The following DCC variants were observed in gnomAD, a reference collection of about 807,000 sequenced individuals.
The protein encoded by DCC is netrin receptor DCC.
A neutral mutation model predicts 172.5 loss-of-function variants in DCC; 58 were observed. The observed-to-expected ratio is 0.34, with a 90% CI of 0.27 to 0.42. The LOEUF (loss-of-function observed/expected upper bound fraction) is 0.42. Ranked by LOEUF, DCC falls within the 10% of genes least tolerant of loss-of-function variation. The probability of loss-of-function intolerance (pLI) is 1.00; values close to 1 mark genes in which losing one functional copy is unlikely to be tolerated. For missense variants in DCC, 1,740 were observed against 1,791.0 expected, an observed-to-expected ratio of 0.97 and a Z score of 0.51; for synonymous variants, 709 against 644.5, an observed-to-expected ratio of 1.10 and a Z score of -1.52.
At chr18:53,102,205 T>C (rs1344642656) in intron 7 of DCC, among the ~76,000 whole-genome samples, 1 of 152,106 alleles carries the variant, frequency 6.6e-6, no homozygotes, top group African/African-American at 2.4e-5. Flanking sequence ...AAAAATGTAA[T>C]CGCTATAATT....
intron 5 of DCC, among the ~76,000 whole-genome samples, chr18:53,039,439 T>C (rs971419784): frequency 5.3e-5 from 8 of 152,078 alleles, no homozygotes; most frequent in African/African-American, 1.9e-4. Context: ...TAAGGAATAT[T>C]TGCCAGAGGA....
chr18:53,062,748 A>G (rs2042513633), intron 5 of DCC, among the ~76,000 whole-genome samples: 1 of 152,166 alleles, frequency 6.6e-6, no homozygotes. Flanking sequence ...AATACACTAC[A>G]GTAGATAATT....
At chr18:53,024,786 A>G (rs776319138) in intron 5 of DCC, among the ~76,000 whole-genome samples, 6 of 152,112 alleles carry the variant, frequency 3.9e-5, no homozygotes, top group Non-Finnish European at 8.8e-5. Context: ...GAGCAATGGG[A>G]AAAGGGATTG....
At chr18:52,371,477 G>T (rs1985119594) in intron 1 of DCC, among the ~76,000 whole-genome samples, 1 of 152,224 alleles carries the variant, frequency 6.6e-6, no homozygotes, top group African/African-American at 2.4e-5. Flanking sequence ...TTTTTAGAGA[G>T]AACGTTAGTG....
At position 53,090,732 on chromosome 18, in the gene DCC, A is replaced by AAAAAAAAAAAAAAAAAAAT. The variant is rs1568298492; in HGVS notation, c.1261+24568_1261+24569insAAAAAAAAAAAAAAAATAA. 2.0e-4 allele frequency among the ~76,000 whole-genome samples: 26 copies of AAAAAAAAAAAAAAAAAAAT among 129,152 alleles called. 1 individual carries two copies. The highest frequency in any genetic ancestry group is 3.5e-4 in the Non-Finnish European group (21 of 59,910). 84.7% of individuals were successfully genotyped at this position (129,152 alleles called of 152,430 possible). ...AAAAAAAAAAAAAAAAAAAAAAAAA[A>AAAAAAAAAAAAAAAAAAAT]AAGAATGTATCGTGTTTCTTGATGC... On this transcript the variant is annotated intron_variant, in intron 7 of 28. Transcript: ENST00000442544.
At chr18:53,377,701 T>C (rs1177906687) in intron 15 of DCC, among the ~76,000 whole-genome samples, 1 of 152,180 alleles carries the variant, frequency 6.6e-6, no homozygotes, top group African/African-American at 2.4e-5. Flanking sequence ...AAGTAAGGGA[T>C]GGGAGGTAGT....
chr18:53,063,312 A>G lies in DCC; in HGVS notation c.993A>G (p.Pro331=), dbSNP rs2042522167. Residue 331 remains proline, a synonymous_variant, in exon 6 of 29, where the codon CCA becomes CCG. Transcript: ENST00000442544. ...ASAELTVLVP[P]WFLNHPSNLY... ...TTTTTTCTGTCTTTGCAGTTCCGCC[A>G]TGGTTTTTAAATCATCCTTCCAACC... 1 of 1,613,036 alleles carries G rather than the reference A, an allele frequency of 6.2e-7. No individual in the cohort carries two copies. Among genetic ancestry groups the G allele is most frequent in the African/African-American group, 1.3e-5 (1 of 74,862 alleles).
chr18:52,614,120 C>T (rs929432280), intron 1 of DCC, among the ~76,000 whole-genome samples: 1 of 152,146 alleles, frequency 6.6e-6, no homozygotes, highest in African/African-American at 2.4e-5. Flanking sequence ...GTTCTAGTAA[C>T]ACTTGCTTCT....
chr18:53,448,047 G>GTTTTTTTTT (rs35238619), intron 22 of DCC, among the ~76,000 whole-genome samples: 9 of 113,728 alleles, frequency 7.9e-5, no homozygotes, highest in Non-Finnish European at 1.0e-4. Context: ...ATTTTGATGA[G>GTTTTTTTTT]TTTTTTTTTT....
chr18:52,340,996 G>A (rs1322918105), intron 1 of DCC, 118 bp downstream of exon 1: 1 of 850,530 alleles, frequency 1.2e-6, no homozygotes, highest in Non-Finnish European at 2.0e-6. Context: ...TGGCGCTTGC[G>A]CTGCCCCCAT....
intron 2 of DCC, among the ~76,000 whole-genome samples, chr18:52,774,089 A>C (rs2037387398): frequency 6.6e-6 from 1 of 152,164 alleles, no homozygotes; most frequent in African/African-American, 2.4e-5. Flanking sequence ...GATTAGGTAA[A>C]CTGTGGCGTG....
At chr18:53,313,944 A>T (rs898812813) in intron 13 of DCC, among the ~76,000 whole-genome samples, 2 of 152,234 alleles carry the variant, frequency 1.3e-5, no homozygotes, top group African/African-American at 4.8e-5. Flanking sequence ...ATCGCAGGGT[A>T]TTTGAAAAAT....
chr18:52,718,595 G>T (rs112986659), intron 1 of DCC, among the ~76,000 whole-genome samples: 2 of 152,172 alleles, frequency 1.3e-5, no homozygotes, highest in Admixed American at 1.3e-4. Flanking sequence ...CCCTGCCTCC[G>T]TGTGGCTCTG....
At chr18:53,236,664 T>G (rs565056602) in intron 12 of DCC, among the ~76,000 whole-genome samples, 141 of 152,188 alleles carry the variant, frequency 9.3e-4, no homozygotes, top group Non-Finnish European at 1.6e-3. Context: ...TAAGAAAGTT[T>G]TGTTTACCCC....
At chr18:52,577,807 C>G (rs2033451266) in intron 1 of DCC, among the ~76,000 whole-genome samples, 1 of 152,164 alleles carries the variant, frequency 6.6e-6, no homozygotes, top group Non-Finnish European at 1.5e-5. Context: ...TAAACCTCTT[C>G]TGATGCCACC....
intron 2 of DCC, among the ~76,000 whole-genome samples, chr18:52,896,643 C>A (rs1204915489): frequency 1.3e-5 from 2 of 152,160 alleles, no homozygotes; most frequent in Non-Finnish European, 2.9e-5. Flanking sequence ...TATAATATAG[C>A]TTGACTGGAG....
intron 1 of DCC, among the ~76,000 whole-genome samples, chr18:52,697,644 T>C (rs1033576889): frequency 6.6e-6 from 1 of 152,222 alleles, no homozygotes; most frequent in Non-Finnish European, 1.5e-5. Flanking sequence ...TTTCTGACTT[T>C]ATAGTTTTAG....
At chr18:53,183,786 T>G (rs540633507) in intron 9 of DCC, among the ~76,000 whole-genome samples, 2 of 152,176 alleles carry the variant, frequency 1.3e-5, no homozygotes, top group East Asian at 3.9e-4. Flanking sequence ...AATTCTAATA[T>G]GGCTCTACTT....
chr18:52,763,634 A>G (rs1254713195), intron 2 of DCC, among the ~76,000 whole-genome samples: 1 of 152,252 alleles, frequency 6.6e-6, no homozygotes, highest in Non-Finnish European at 1.5e-5. Context: ...AATAGTTTAT[A>G]TACCATAACA....
Sources: gnomAD v4.1 joint callset for allele counts (sites outside exome capture counted in the v4.1 genomes callset) on GRCh38, gnomAD v4.1.1 for gene constraint, MANE v1.5 for transcripts, NCBI Gene and HGNC (gene_info 2026-07-23, HGNC 2026-07-21) for gene names.